Variants in GRIN2B observed in about 807,000 individuals in gnomAD.
The protein encoded by GRIN2B is glutamate receptor ionotropic, NMDA 2B.
GRIN2B carries 5 observed loss-of-function variants against 114.5 expected under a neutral mutation model. The ratio of observed to expected loss-of-function variants is 0.04; its 90% CI spans 0.02 to 0.09. The LOEUF (loss-of-function observed/expected upper bound fraction) is 0.09. Among genes scored for constraint, GRIN2B ranks in the 10% least tolerant of loss-of-function variants. The pLI, the probability that GRIN2B is intolerant of heterozygous loss-of-function variation, is 1.00. For missense variants in GRIN2B, 1,108 were observed against 1,943.5 expected, an observed-to-expected ratio of 0.57 and a Z score of 8.08; for synonymous variants, 787 against 745.1, an observed-to-expected ratio of 1.06 and a Z score of -0.92.
chr12:13,755,772 C>T (rs1863565461), intron 3 of GRIN2B, among the ~76,000 whole-genome samples: 1 of 152,190 alleles, frequency 6.6e-6, no homozygotes, highest in Non-Finnish European at 1.5e-5. Flanking sequence ...TCCTCAAATT[C>T]ATACGTTGAA....
At chr12:13,632,882 A>G (rs888941102) in intron 5 of GRIN2B, among the ~76,000 whole-genome samples, 12 of 152,214 alleles carry the variant, frequency 7.9e-5, no homozygotes, top group African/African-American at 2.7e-4. Flanking sequence ...GACCAATTAT[A>G]TTGGAATCGC....
intron 5 of GRIN2B, among the ~76,000 whole-genome samples, chr12:13,658,348 CTAAT>C (rs1347029583): frequency 1.3e-5 from 2 of 152,098 alleles, no homozygotes; most frequent in East Asian, 3.9e-4. Context: ...ATGCTCTTCT[CTAAT>C]TAACTTTTCC....
intron 4 of GRIN2B, among the ~76,000 whole-genome samples, chr12:13,706,628 C>T (rs957823986): frequency 5.3e-5 from 8 of 152,076 alleles, no homozygotes; most frequent in Non-Finnish European, 7.4e-5. Context: ...TTCCCAACCT[C>T]CCCATGTCTG....
intron 4 of GRIN2B, among the ~76,000 whole-genome samples, chr12:13,727,594 T>C (rs956647198): frequency 3.3e-5 from 5 of 152,156 alleles, no homozygotes; most frequent in African/African-American, 1.2e-4. Context: ...AAGAAATATA[T>C]AAATCCCGTT....
At chr12:13,751,703 A>AAT (rs1399656619) in intron 4 of GRIN2B, among the ~76,000 whole-genome samples, 1 of 152,150 alleles carries the variant, frequency 6.6e-6, no homozygotes, top group Non-Finnish European at 1.5e-5. Flanking sequence ...TGCCCATGGA[A>AAT]TCCAAAGAAA....
intron 10 of GRIN2B, among the ~76,000 whole-genome samples, chr12:13,588,428 C>T (rs892932941): frequency 1.3e-5 from 2 of 152,166 alleles, no homozygotes; most frequent in African/African-American, 4.8e-5. Context: ...GATGAAAAAA[C>T]CTGCTCTTTA....
intron 2 of GRIN2B, among the ~76,000 whole-genome samples, chr12:13,926,451 T>A (rs1209755877): frequency 6.6e-6 from 1 of 152,178 alleles, no homozygotes; most frequent in African/African-American, 2.4e-5. Context: ...ATTGGTTTTA[T>A]CCTTCTCCAG....
intron 2 of GRIN2B, among the ~76,000 whole-genome samples, chr12:13,972,194 C>CAT (rs1463214889): frequency 6.6e-6 from 1 of 152,156 alleles, no homozygotes; most frequent in African/African-American, 2.4e-5. Flanking sequence ...AGGGTCTGAG[C>CAT]ATGGGCATCA....
intron 3 of GRIN2B, among the ~76,000 whole-genome samples, chr12:13,795,112 C>T (rs1864394543): frequency 6.6e-6 from 1 of 152,148 alleles, no homozygotes; most frequent in South Asian, 2.1e-4. Flanking sequence ...ATAATCATGA[C>T]ATAATTAGAA....
chr12:13,638,933 C>T (rs1949687983), intron 5 of GRIN2B, among the ~76,000 whole-genome samples: 2 of 151,898 alleles, frequency 1.3e-5, no homozygotes, highest in South Asian at 2.1e-4. Flanking sequence ...AAGATGAGCC[C>T]CTCTTTGCAC....
intron 3 of GRIN2B, among the ~76,000 whole-genome samples, chr12:13,793,936 T>G (rs1350803763): frequency 6.7e-6 from 1 of 148,264 alleles, no homozygotes; most frequent in African/African-American, 2.5e-5. Flanking sequence ...GTGCAGTGGC[T>G]CACACCTGTA....
At chr12:13,873,605 C>A (rs1469076094) in intron 2 of GRIN2B, among the ~76,000 whole-genome samples, 1 of 152,172 alleles carries the variant, frequency 6.6e-6, no homozygotes, top group East Asian at 1.9e-4. Flanking sequence ...AGCTTTTGAG[C>A]TCCCTTGCCC....
At chr12:13,575,764 AATTTGG>A (rs1231350406) in intron 10 of GRIN2B, among the ~76,000 whole-genome samples, 2 of 151,970 alleles carry the variant, frequency 1.3e-5, no homozygotes, top group African/African-American at 4.8e-5. Context: ...GGAGGCAGAG[AATTTGG>A]ATTTGGATTT....
chr12:13,850,464 A>G (rs1354068924), intron 3 of GRIN2B, among the ~76,000 whole-genome samples: 1 of 152,062 alleles, frequency 6.6e-6, no homozygotes, highest in Non-Finnish European at 1.5e-5. Context: ...GTTTGGAGAG[A>G]ATTGGAATTC....
In GRIN2B at chr12:13,563,125, G is replaced by A. The variant is rs146792012; in HGVS notation, c.4113C>T (p.Tyr1371=). ...HHHHNNPGGG[Y]MLSKSLYPDR... is the part of the protein sequence containing the mutation. ...CAGGGTAGAGCGACTTGCTGAGCAT[G>A]TACCCGCCGCCGGGGTTGTTGTGGT... Residue 1371 remains tyrosine (Y), a synonymous_variant, in exon 14 of 14, where the codon TAC becomes TAT. Transcript: ENST00000609686. 2.4e-4 allele frequency: 389 copies of A among 1,614,186 alleles called. No homozygotes were observed. Among genetic ancestry groups the A allele is most frequent in the Admixed American group, 9.2e-4 (55 of 60,030 alleles).
At chr12:13,827,229 C>CTTTT (rs57007962) in intron 3 of GRIN2B, among the ~76,000 whole-genome samples, 5,094 of 98,412 alleles carry the variant, frequency 0.052, 248 homozygotes, top group African/African-American at 0.096. Context: ...TTGTTGTTTT[C>CTTTT]TTTTTTTTTT....
chr12:13,907,608 G>A (rs1301541545), intron 2 of GRIN2B, among the ~76,000 whole-genome samples: 1 of 152,132 alleles, frequency 6.6e-6, no homozygotes, highest in African/African-American at 2.4e-5. Context: ...CTGAATAGTG[G>A]TTATAACATA....
At chr12:13,713,281 A>G (rs1442620109) in intron 4 of GRIN2B, among the ~76,000 whole-genome samples, 1 of 151,824 alleles carries the variant, frequency 6.6e-6, no homozygotes, top group Non-Finnish European at 1.5e-5. Flanking sequence ...TAATTAGCAG[A>G]CACTGATGAT....
rs761708533 is a variant in GRIN2B, at chr12:13,564,586, C to T, written c.2652G>A (p.Met884Ile). Residue 884 changes from methionine to isoleucine, a missense_variant, in exon 14 of 14, where the codon ATG becomes ATA. Physicochemically the swap from Met to Ile is conservative, Grantham distance 10. Around this residue, in one of 19 missense-constraint regions of GRIN2B, gnomAD observed 27 missense variants for 51.7 expected, o/e 0.52. Transcript: ENST00000609686. This position sits in a 1 kb window ranked among gnomAD's most constrained non-coding sequence, Gnocchi z 4.8. ...GVAIEERQSV[M>I]NSPTATMNNT... ...TGTTCATGGTTGCGGTGGGGGAGTTCATTACAGACTGGCGCTCCTCGATCG... is the reference window on the plus strand; with the variant it reads ...TGTTCATGGTTGCGGTGGGGGAGTTTATTACAGACTGGCGCTCCTCGATCG... 8 of 1,613,858 alleles carry T rather than the reference C, an allele frequency of 5.0e-6. No homozygotes were observed. The highest frequency in any genetic ancestry group is 6.8e-6 in the Non-Finnish European group (8 of 1,180,004).
Sources: allele counts gnomAD v4.1 joint callset (sites outside exome capture counted in the v4.1 genomes callset), GRCh38; gene constraint gnomAD v4.1.1; regional missense constraint gnomAD v4.1.1; non-coding constraint Gnocchi (gnomAD v3.1); transcripts MANE v1.5; gene names NCBI Gene and HGNC (gene_info 2026-07-23, HGNC 2026-07-21).